Variants in TNPO1 observed in about 807,000 individuals in gnomAD.
The protein encoded by TNPO1 is transportin 1, also known as transportin-1.
TNPO1 carries 8 observed loss-of-function variants against 119.5 expected under a neutral mutation model. The ratio of observed to expected loss-of-function variants is 0.07; its 90% CI spans 0.04 to 0.12. The LOEUF (loss-of-function observed/expected upper bound fraction) is 0.12. Among genes scored for constraint, TNPO1 ranks in the 10% least tolerant of loss-of-function variants. The pLI, the probability that TNPO1 is intolerant of heterozygous loss-of-function variation, is 1.00. For missense variants in TNPO1, 576 were observed against 1,089.8 expected, an observed-to-expected ratio of 0.53 and a Z score of 6.64; for synonymous variants, 362 against 363.0, an observed-to-expected ratio of 1.00 and a Z score of 0.03.
At chr5:72,893,754 A>G in intron 18 of TNPO1, 51 bp downstream of exon 18, 2 of 1,494,794 alleles carry the variant, frequency 1.3e-6, no homozygotes, top group South Asian at 2.4e-5. Context: ...GTTAACATTT[A>G]CATCAGCTTT....
intron 22 of TNPO1, among the ~76,000 whole-genome samples, chr5:72,901,796 A>G (rs1207152571): frequency 6.6e-6 from 1 of 152,204 alleles, no homozygotes; most frequent in Non-Finnish European, 1.5e-5. Context: ...AATCCTGTAG[A>G]CAAGAGACCC....
chr5:72,864,775 A>AT (rs1436392945), intron 5 of TNPO1, among the ~76,000 whole-genome samples: 1 of 151,776 alleles, frequency 6.6e-6, no homozygotes, highest in Non-Finnish European at 1.5e-5. Flanking sequence ...CGCCCAGCTA[A>AT]TTTTTTTGTT....
rs1291855958 is a variant in TNPO1, at chr5:72,912,032, TTTTG to T, written c.*3361_*3364del. 1 of 152,490 alleles carries T rather than the reference TTTTG, an allele frequency of 6.6e-6. No individual in the cohort carries two copies. The highest frequency in any genetic ancestry group is 2.4e-5 in the African/African-American group (1 of 41,458). 9.4% of individuals were successfully genotyped at this position (152,490 alleles called of 1,614,324 possible). A position where few individuals can be genotyped will look rare whatever the true frequency, so the allele number is the denominator to read the frequency against. On this transcript the variant is annotated 3_prime_UTR_variant, in exon 25 of 25. Transcript: ENST00000337273. Reference sequence around the variant, plus strand: ...CATTTATTCAGGAAAGAATTTTGCTTTTTGTATTGTCTAATCTCTTCAATGACTT... The same window carrying T: ...CATTTATTCAGGAAAGAATTTTGCTTTATTGTCTAATCTCTTCAATGACTT...
intron 6 of TNPO1, among the ~76,000 whole-genome samples, chr5:72,867,035 C>G (rs1178973467): frequency 6.6e-6 from 1 of 151,726 alleles, no homozygotes; most frequent in Non-Finnish European, 1.5e-5. Flanking sequence ...AAAAAATTAG[C>G]TGAGTGTAGT....
intron 1 of TNPO1, among the ~76,000 whole-genome samples, chr5:72,829,982 A>G (rs564189513): frequency 6.6e-6 from 1 of 152,274 alleles, no homozygotes; most frequent in South Asian, 2.1e-4. Context: ...CCCAAGTAGG[A>G]AACAATAAAA....
At chr5:72,883,261 C>G in intron 11 of TNPO1, 29 bp downstream of exon 11, 1 of 1,061,386 alleles carries the variant, frequency 9.4e-7, no homozygotes, top group East Asian at 2.4e-5. Flanking sequence ...AGCACAGTTG[C>G]CTACTTTGAT....
chr5:72,894,058 A>G (rs368111927), intron 18 of TNPO1, among the ~76,000 whole-genome samples: 40 of 152,350 alleles, frequency 2.6e-4, no homozygotes, highest in African/African-American at 8.9e-4. Context: ...AGAAATAGTA[A>G]TAATCAGGTT....
Position 72,914,131 on chromosome 5 carries a change from T to G in TNPO1, c.*5458T>G, listed in dbSNP as rs956762181. 6 of 152,736 alleles carry G rather than the reference T, an allele frequency of 3.9e-5. No homozygotes were observed. Among genetic ancestry groups the G allele is most frequent in the African/African-American group, 1.4e-4 (6 of 41,582 alleles). 9.5% of individuals were successfully genotyped at this position (152,736 alleles called of 1,614,324 possible). A position where few individuals can be genotyped will look rare whatever the true frequency, so the allele number is the denominator to read the frequency against. On this transcript the variant is annotated 3_prime_UTR_variant, in exon 25 of 25. Transcript: ENST00000337273. Reference sequence around the variant, plus strand: ...CCTTCAAACATATCCTCCTGCAACTTCTCAAACTGTACTAAATTGATATTT... The same window carrying G: ...CCTTCAAACATATCCTCCTGCAACTGCTCAAACTGTACTAAATTGATATTT...
chr5:72,884,086 A>G (rs529599123), intron 11 of TNPO1, among the ~76,000 whole-genome samples: 2 of 152,244 alleles, frequency 1.3e-5, no homozygotes, highest in East Asian at 3.9e-4. Flanking sequence ...AACACTCAGG[A>G]GAAGGATTGT....
intron 1 of TNPO1, among the ~76,000 whole-genome samples, chr5:72,817,311 G>A (rs1743740469): frequency 6.6e-6 from 1 of 152,124 alleles, no homozygotes; most frequent in Admixed American, 6.5e-5. Flanking sequence ...TTGGCCTCAC[G>A]ACATGTTTAC....
In TNPO1 at chr5:72,913,914, G is replaced by A. The variant is rs866440856; in HGVS notation, c.*5241G>A. ...ATCTTGTGAGAAGAGATGTTTAAAC[G>A]TGGTAAATCACTTCATATTACAAAA... On this transcript the variant is annotated 3_prime_UTR_variant, in exon 25 of 25. Transcript: ENST00000337273. 1 of 152,492 alleles carries A rather than the reference G, an allele frequency of 6.6e-6. No homozygotes were observed. The highest frequency in any genetic ancestry group is 2.1e-4 in the South Asian group (1 of 4,828). The allele number at this position is 152,492 out of a possible 1,614,324, so 9.4% of individuals were successfully genotyped here.
intron 21 of TNPO1, 92 bp from the exon 22 acceptor site, chr5:72,900,882 T>C: frequency 4.0e-6 from 3 of 759,312 alleles, no homozygotes; most frequent in East Asian, 2.9e-5. Flanking sequence ...TTATCTATAC[T>C]GTGGTGCTTA....
intron 21 of TNPO1, 48 bp downstream of exon 21, chr5:72,900,129 T>C (rs1749705324): frequency 6.8e-7 from 1 of 1,459,970 alleles, no homozygotes; most frequent in African/African-American, 1.4e-5. Flanking sequence ...CTTCACTCTT[T>C]CTTTCTCTAT....
intron 1 of TNPO1, among the ~76,000 whole-genome samples, chr5:72,834,780 T>G (rs1328636083): frequency 1.3e-5 from 2 of 152,254 alleles, no homozygotes; most frequent in East Asian, 1.9e-4. Flanking sequence ...CCGCTTACTC[T>G]CTGACTCACC....
At chr5:72,854,116 T>G (rs1745803136) in intron 3 of TNPO1, among the ~76,000 whole-genome samples, 1 of 152,224 alleles carries the variant, frequency 6.6e-6, no homozygotes, top group South Asian at 2.1e-4. Flanking sequence ...GGCTGAATTA[T>G]TAACAGGTAA....
chr5:72,823,326 A>G (rs1744062126), intron 1 of TNPO1, among the ~76,000 whole-genome samples: 1 of 152,088 alleles, frequency 6.6e-6, no homozygotes, highest in Non-Finnish European at 1.5e-5. Context: ...ATTGATAAGA[A>G]TGTACATAAC....
rs1256094919 is a variant in TNPO1 at position 72,912,779 on chromosome 5, TAA to T, written c.*4107_*4108del. The T allele has an allele frequency of 6.6e-6, 1 of 152,512 alleles. No homozygotes were observed. The highest frequency in any genetic ancestry group is 1.5e-5 in the Non-Finnish European group (1 of 67,924). 9.4% of individuals were successfully genotyped at this position (152,512 alleles called of 1,614,324 possible). ...AATTAATTGCATCTTAGTCTAAATT[TAA>T]GTCCTTTGCCATGAGGAAAAAGTGG... On this transcript the variant is annotated 3_prime_UTR_variant, in exon 25 of 25. Coordinates refer to ENST00000337273, the MANE Select transcript of TNPO1 (RefSeq NM_002270.4).
chr5:72,891,284 G>A (rs995111123), intron 14 of TNPO1, among the ~76,000 whole-genome samples: 4 of 152,068 alleles, frequency 2.6e-5, no homozygotes, highest in Admixed American at 6.5e-5. Context: ...GGCTAACACG[G>A]TGAAACCCTG....
chr5:72,823,319 G>A (rs553979929), intron 1 of TNPO1, among the ~76,000 whole-genome samples: 1 of 152,184 alleles, frequency 6.6e-6, no homozygotes, highest in South Asian at 2.1e-4. Flanking sequence ...TATTGAAATT[G>A]ATAAGAATGT....
Sources: allele counts gnomAD v4.1 joint callset (sites outside exome capture counted in the v4.1 genomes callset), GRCh38; gene constraint gnomAD v4.1.1; transcripts MANE v1.5; gene names NCBI Gene and HGNC (gene_info 2026-07-23, HGNC 2026-07-21).